The following ITGAL variants were observed in gnomAD, a reference collection of about 807,000 sequenced individuals.
The protein encoded by ITGAL is integrin subunit alpha L, also known as integrin alpha-L.
ITGAL carries 68 observed loss-of-function variants against 138.4 expected under a neutral mutation model. The ratio of observed to expected loss-of-function variants is 0.49; its 90% confidence interval spans 0.40 to 0.60. The LOEUF (loss-of-function observed/expected upper bound fraction) is 0.60, where lower values mean the gene tolerates loss of function less well. Among genes scored for constraint, ITGAL ranks in the 20% least tolerant of loss-of-function variants. ITGAL has a pLI of 0.00. For missense variants in ITGAL, 1,256 were observed against 1,478.6 expected (o/e 0.85, Z 2.47); for synonymous variants, 561 against 584.3 (o/e 0.96, Z 0.57).
At chr16:30,476,016 C>T (rs934264758) in intron 4 of ITGAL, among the ~76,000 whole-genome samples, 2 of 151,896 alleles carry the variant, frequency 1.3e-5, no homozygotes, top group Admixed American at 6.6e-5. Context: ...CTTGGGAGGC[C>T]GAGGCAGGCG....
chr16:30,509,996 A>G (rs1222300179), intron 21 of ITGAL, among the ~76,000 whole-genome samples: 1 of 151,722 alleles, frequency 6.6e-6, no homozygotes, highest in Admixed American at 6.6e-5. Context: ...CCGAGATCGC[A>G]CCATTGCACT....
intron 1 of ITGAL, chr16:30,473,957 T>G (rs1242547794): frequency 1.5e-6 from 1 of 658,154 alleles, no homozygotes; most frequent in South Asian, 1.5e-5. Flanking sequence ...ATCCTTCCTT[T>G]TTTGCAGAGA....
intron 17 of ITGAL, among the ~76,000 whole-genome samples, chr16:30,502,213 C>G (rs192922860): frequency 6.6e-6 from 1 of 151,004 alleles, no homozygotes; most frequent in Admixed American, 6.6e-5. Context: ...CTGGCTAACA[C>G]GGTGAAACCC....
Position 30,496,123 on chromosome 16 carries a change from G to A in ITGAL, c.1530G>A (p.Leu510=). 4 of 1,614,012 alleles carry A rather than the reference G, an allele frequency of 2.5e-6. No individual in the cohort carries two copies. The highest frequency in any genetic ancestry group is 3.4e-6 in the Non-Finnish European group (4 of 1,180,016). The change falls in exon 14 of 31, where the codon CTG becomes CTA. Residue 510 remains leucine (L), a synonymous_variant. Transcript: ENST00000356798. ...TGGGGTTTGAAGAAGTCTCAGAGCT[G>A]CAGGGGGACCCCGGCTACCCACTCG... ...RQLGFEEVSE[L]QGDPGYPLGR...
At position 30,479,222 on chromosome 16, in the gene ITGAL, G is replaced by A; in HGVS notation, c.445+14G>A. The stretch of plus-strand genomic sequence containing the variant: ...CTGGTTTTCAGGGTAAGGAACTGGG[G>A]ACTCATTGGGTAAAAATACCTCCAA... On this transcript the variant is annotated intron_variant, in intron 5 of 30. Transcript: ENST00000356798. The A allele has an allele frequency of 6.2e-7, 1 of 1,613,554 alleles. No homozygotes were observed. Among genetic ancestry groups the A allele is most frequent in the Non-Finnish European group, 8.5e-7 (1 of 1,179,576 alleles).
intron 29 of ITGAL, chr16:30,519,638 G>C (rs936113312): frequency 1.3e-5 from 7 of 542,012 alleles, no homozygotes; most frequent in Admixed American, 9.7e-5. Flanking sequence ...TGCGATTCCG[G>C]GGAAGCCATT....
In ITGAL at chr16:30,484,143, CA is replaced by C; in HGVS notation, c.887del (p.Gln296ArgfsTer16). The C allele has an allele frequency of 6.2e-7, 1 of 1,614,042 alleles. No homozygotes were observed. The highest frequency in any genetic ancestry group is 1.3e-5 in the African/African-American group (1 of 75,010). On this transcript the variant is annotated frameshift_variant, in exon 9 of 31. Transcript: ENST00000356798. LOFTEE classifies it high-confidence loss of function. ...IGKHFQTKES[Q>X]ETLHKFASKP... ...AAAGCATTTTCAGACCAAGGAGAGTCAGGAGACCCTCCACAAATTTGCATCA... is the reference window on the plus strand; with the variant it reads ...AAAGCATTTTCAGACCAAGGAGAGTCGGAGACCCTCCACAAATTTGCATCA...
chr16:30,488,507 C>A (rs565302254), intron 9 of ITGAL, among the ~76,000 whole-genome samples: 1 of 151,808 alleles, frequency 6.6e-6, no homozygotes, highest in South Asian at 2.1e-4. Flanking sequence ...GAGTTCGAGA[C>A]CAGGCTGGCC....
chr16:30,487,081 C>T (rs915575444), intron 9 of ITGAL, among the ~76,000 whole-genome samples: 2 of 146,018 alleles, frequency 1.4e-5, no homozygotes, highest in Non-Finnish European at 3.0e-5. Context: ...AGGTGGAGTT[C>T]ACAGTGAGCC....
intron 17 of ITGAL, among the ~76,000 whole-genome samples, chr16:30,499,733 A>ATGTATATATATATATATATATTTT: frequency 4.5e-5 from 4 of 88,366 alleles, no homozygotes; most frequent in African/African-American, 1.8e-4. Flanking sequence ...ATATATATAT[A>ATGTATATATATATATATATATTTT]TTTTTTTTTT....
In ITGAL at chr16:30,505,233, C is replaced by A; in HGVS notation, c.2236-11C>A. 1.3e-6 allele frequency: 2 copies of A among 1,588,656 alleles called. No homozygotes were observed. Among genetic ancestry groups the A allele is most frequent in the Non-Finnish European group, 8.6e-7 (1 of 1,163,512 alleles). Reference sequence around the variant, plus strand: ...CTCCTCTCTCCATCCTGCCCACTACCCCTCGCTCAGCAGGGCAAGGACATA... The same window carrying A: ...CTCCTCTCTCCATCCTGCCCACTACACCTCGCTCAGCAGGGCAAGGACATA... On this transcript the variant is annotated splice_polypyrimidine_tract_variant and intron_variant, in intron 18 of 30. Coordinates refer to ENST00000356798, the MANE Select transcript of ITGAL (RefSeq NM_002209.3).
At chr16:30,520,953 G>A (rs544558494) in intron 30 of ITGAL, among the ~76,000 whole-genome samples, 68 of 152,064 alleles carry the variant, frequency 4.5e-4, no homozygotes, top group Non-Finnish European at 7.2e-4. Flanking sequence ...GCATGGTGGC[G>A]CATGCCTGTA....
At chr16:30,486,800 G>T (rs79785027) in intron 9 of ITGAL, among the ~76,000 whole-genome samples, 4 of 152,038 alleles carry the variant, frequency 2.6e-5, no homozygotes, top group Non-Finnish European at 5.9e-5. Context: ...GGAGTTTTTT[G>T]TTGTTGTTGT....
intron 10 of ITGAL, 38 bp downstream of exon 10, chr16:30,489,193 C>T: frequency 6.2e-7 from 1 of 1,613,520 alleles, no homozygotes; most frequent in Non-Finnish European, 8.5e-7. Context: ...GCAGGGAGTG[C>T]AGTTGGCTCT....
chr16:30,475,662 A>G (rs2050459651), intron 4 of ITGAL, 82 bp downstream of exon 4: 1 of 1,120,454 alleles, frequency 8.9e-7, no homozygotes, highest in Non-Finnish European at 1.4e-6. Context: ...AAGAATGTGG[A>G]TAAAAGTTCC....
Position 30,479,107 on chromosome 16 carries a change from T to A in ITGAL, c.344T>A (p.Leu115Gln), listed in dbSNP as rs1340548563. The A allele has an allele frequency of 6.2e-7, 1 of 1,613,896 alleles. No individual in the cohort carries two copies. The highest frequency in any genetic ancestry group is 8.5e-7 in the Non-Finnish European group (1 of 1,180,006). Reference sequence around the variant, plus strand: ...TTTCTTTAGGCCTGTGACCCTGGGCTGTCTCGAACGTGTGACCAGAACACC... The same window carrying A: ...TTTCTTTAGGCCTGTGACCCTGGGCAGTCTCGAACGTGTGACCAGAACACC... ...DGSILACDPGLSRTCDQNTYL... is the reference protein window; with the variant it reads ...DGSILACDPGQSRTCDQNTYL... Residue 115 changes from leucine (L) to glutamine (Q), a missense_variant, in exon 5 of 31, where the codon CTG (leucine) becomes CAG (glutamine). By Grantham distance (113) the Leu-to-Gln change is moderately radical. Transcript: ENST00000356798.
At chr16:30,473,968 G>A (rs1420264541) in intron 1 of ITGAL, 7 of 673,700 alleles carry the variant, frequency 1.0e-5, no homozygotes, top group Non-Finnish European at 1.6e-5. Context: ...TTTGCAGAGA[G>A]GCCAAACGGG....
chr16:30,492,776 C>A (rs763048763), intron 11 of ITGAL, among the ~76,000 whole-genome samples: 1 of 151,004 alleles, frequency 6.6e-6, no homozygotes, highest in Non-Finnish European at 1.5e-5. Context: ...GATCTCCTGA[C>A]CTCGTGATCC....
chr16:30,508,686 T>A (rs1040285673), intron 21 of ITGAL, among the ~76,000 whole-genome samples: 1 of 151,490 alleles, frequency 6.6e-6, no homozygotes, highest in African/African-American at 2.4e-5. Flanking sequence ...AGAACAATAC[T>A]CTGTCTCTAC....
Sources: gnomAD v4.1 joint callset for allele counts (sites outside exome capture counted in the v4.1 genomes callset) on GRCh38, gnomAD v4.1.1 for gene constraint, MANE v1.5 for transcripts, NCBI Gene and HGNC (gene_info 2026-07-23, HGNC 2026-07-21) for gene names.